SARDH: variants seen among roughly 807,000 people sequenced by gnomAD.
The protein encoded by SARDH is sarcosine dehydrogenase.
In SARDH, 95 loss-of-function variants were observed where a neutral mutation model predicts 109.1. That is an observed-to-expected ratio of 0.87 (90% CI 0.74 to 1.03). The LOEUF is 1.03. Among genes scored for constraint, SARDH ranks in the 50% least tolerant of loss-of-function variants. The pLI is 0.00. For synonymous variants in SARDH, 572 were observed against 534.8 expected, an observed-to-expected ratio of 1.07 and a Z score of -0.96; for missense variants, 1,267 against 1,287.8, an observed-to-expected ratio of 0.98 and a Z score of 0.25.
chr9:133,688,872 T>C (rs1830987035), intron 16 of SARDH, among the ~76,000 whole-genome samples: 1 of 152,208 alleles, frequency 6.6e-6, no homozygotes, highest in African/African-American at 2.4e-5. Context: ...AGCCAGTTAG[T>C]GTTAAAGCAC....
rs773227673 is a variant in SARDH at position 133,729,776 on chromosome 9, C to G, written c.904G>C (p.Glu302Gln). ...GGCTGTCCACCTACCTGAATCCCCTCGATGCGCTCGGTGACGACATAGGCA... is the reference window on the plus strand; with the variant it reads ...GGCTGTCCACCTACCTGAATCCCCTGGATGCGCTCGGTGACGACATAGGCA... The part of the protein sequence containing the change: ...HHAYVVTERI[E>Q]GIQNMPNVRD... Residue 302 changes from glutamate (E) to glutamine (Q), a missense_variant, in exon 6 of 21, where the codon GAG becomes CAG. Coordinates refer to ENST00000439388, the MANE Select transcript of SARDH (RefSeq NM_001134707.2). The G allele has an allele frequency of 1.2e-6, 2 of 1,612,554 alleles. No homozygotes were observed. Among genetic ancestry groups the G allele is most frequent in the African/African-American group, 1.3e-5 (1 of 74,918 alleles).
chr9:133,694,448 G>A (rs552471984), intron 14 of SARDH, 77 bp from the exon 15 acceptor site: 152 of 1,151,722 alleles, frequency 1.3e-4, no homozygotes, highest in South Asian at 3.8e-4. Context: ...CCCCAGGGCC[G>A]CTCACAGGGG....
Position 133,698,969 on chromosome 9 carries a change from C to T in SARDH, c.1669-2608G>A, listed in dbSNP as rs184262535. On this transcript the variant is annotated intron_variant, in intron 13 of 20. Coordinates refer to ENST00000439388, the MANE Select transcript of SARDH (RefSeq NM_001134707.2). Reference sequence around the variant, plus strand: ...CAATGCCATCAAGGAAGAGAGATGACAACCACAGGATGGGGAGAGTGTGTG... The same window carrying T: ...CAATGCCATCAAGGAAGAGAGATGATAACCACAGGATGGGGAGAGTGTGTG... 3.6e-3 allele frequency among the ~76,000 whole-genome samples: 548 copies of T among 152,306 alleles called. 2 individuals carry two copies. The highest frequency in any genetic ancestry group is 0.013 in the African/African-American group (522 of 41,574).
chr9:133,690,661 A>G, intron 15 of SARDH, 134 bp from the exon 16 acceptor site: 1 of 1,008,720 alleles, frequency 9.9e-7, no homozygotes, highest in South Asian at 1.5e-5. Flanking sequence ...AGTGCCCAGG[A>G]ACCGTATCTG....
chr9:133,696,493 C>T, intron 13 of SARDH, 132 bp from the exon 14 acceptor site: 1 of 1,111,652 alleles, frequency 9.0e-7, no homozygotes, highest in East Asian at 2.5e-5. Flanking sequence ...CCAGCCCGCA[C>T]CAAGCCCTTC....
chr9:133,686,383 C>T lies in SARDH; in HGVS notation c.2070-1097G>A, dbSNP rs1027273016. On this transcript the variant is annotated intron_variant, in intron 16 of 20. Transcript: ENST00000439388. The surrounding 1 kb of genome is among the most constrained non-coding windows in gnomAD (Gnocchi z 4.0). ...CCCCTTCCCCTGTCACCACTTAACC[C>T]TTTGTCATCCTTCAGCTCTTGGCTC... is the stretch of plus-strand genomic sequence containing the variant. Among the ~76,000 whole-genome samples the T allele has an allele frequency of 2.0e-5, 3 of 152,198 alleles. No individual in the cohort carries two copies.
chr9:133,718,749 T>C lies in SARDH; in HGVS notation c.1020+189A>G. 1 of 780,776 alleles carries C rather than the reference T, an allele frequency of 1.3e-6. No homozygotes were observed. Among genetic ancestry groups the C allele is most frequent in the South Asian group, 1.3e-5 (1 of 74,628 alleles). The allele number at this position is 780,776 out of a possible 1,614,324, so 48.4% of individuals were successfully genotyped here. ...GCCCTCCAGCTGCCCTGGGTCTGTA[T>C]TTGACTGCCTGCCAGGACCGTCAGG... is the stretch of plus-strand genomic sequence containing the variant. On this transcript the variant is annotated intron_variant, in intron 7 of 20. Coordinates refer to ENST00000439388, the MANE Select transcript of SARDH (RefSeq NM_001134707.2). The surrounding 1 kb of genome is among the most constrained non-coding windows in gnomAD (Gnocchi z 4.2).
In SARDH at chr9:133,712,151, C is replaced by G. The variant is rs1334056083; in HGVS notation, c.1328+468G>C. On this transcript the variant is annotated intron_variant, in intron 10 of 20. Coordinates refer to ENST00000439388, the MANE Select transcript of SARDH (RefSeq NM_001134707.2). The surrounding 1 kb of genome is among the most constrained non-coding windows in gnomAD (Gnocchi z 4.1). ...GAACCTCCACAGCCCCTCCCCATCA[C>G]CCTGCATTAGAGACGAGGAAGTGGC... Among the ~76,000 whole-genome samples, 1 of 152,232 alleles carries G rather than the reference C, an allele frequency of 6.6e-6. No homozygotes were observed. Among genetic ancestry groups the G allele is most frequent in the African/African-American group, 2.4e-5 (1 of 41,466 alleles).
At chr9:133,664,380 G>A (rs116729620) in intron 20 of SARDH, among the ~76,000 whole-genome samples, 4,513 of 152,356 alleles carry the variant, frequency 0.03, 111 homozygotes, top group South Asian at 0.11. Context: ...CCGAGGCTGG[G>A]GGCCAATCCG....
chr9:133,731,620 G>A lies in SARDH; in HGVS notation c.511-136C>T, dbSNP rs1390479987. 2.4e-5 allele frequency: 20 copies of A among 831,048 alleles called. No individual in the cohort carries two copies. In the East Asian group the frequency reaches 4.8e-4, roughly 20 times the overall value. 51.5% of individuals were successfully genotyped at this position (831,048 alleles called of 1,614,324 possible). On this transcript the variant is annotated intron_variant, in intron 3 of 20. Transcript: ENST00000439388. ...GCCTTAGCCGGTCCCCACGCCCCCG[G>A]AGCCTGTCCCTTGAATCCGCTTCAG...
Position 133,731,495 on chromosome 9 carries a change from C to T in SARDH, c.511-11G>A. 1 of 1,613,570 alleles carries T rather than the reference C, an allele frequency of 6.2e-7. No individual in the cohort carries two copies. The highest frequency in any genetic ancestry group is 1.1e-5 in the South Asian group (1 of 91,016). On this transcript the variant is annotated splice_polypyrimidine_tract_variant and intron_variant, in intron 3 of 20. Coordinates refer to ENST00000439388, the MANE Select transcript of SARDH (RefSeq NM_001134707.2). ...ATACGCCTTGCCCAGCTAGGGGGAC[C>T]CAGGGGAGGTTAACTGAGTCCGTGG...
At position 133,690,417 on chromosome 9, in the gene SARDH, C is replaced by T. The variant is rs142376496; in HGVS notation, c.2032G>A (p.Glu678Lys). The T allele has an allele frequency of 3.3e-5, 53 of 1,613,258 alleles. No individual in the cohort carries two copies. Among genetic ancestry groups the T allele is most frequent in the Non-Finnish European group, 3.8e-5 (45 of 1,179,932 alleles). Residue 678 changes from glutamate to lysine, a missense_variant, in exon 16 of 21, where the codon GAG becomes AAG. Coordinates refer to ENST00000439388, the MANE Select transcript of SARDH (RefSeq NM_001134707.2). ...KSQCQLIDSS[E>K]DLGMISIQGP... ...TGGATACTGATCATACCCAGGTCCT[C>T]GGAGCTGTCGATGAGCTGGCACTGG... is the stretch of plus-strand genomic sequence containing the variant.
chr9:133,663,820 G>A lies in SARDH; in HGVS notation c.*69C>T, dbSNP rs555613025. 1.5e-5 allele frequency: 24 copies of A among 1,597,522 alleles called. No homozygotes were observed. The African/African-American group carries it at 3.1e-4, about 20-fold the overall frequency. On this transcript the variant is annotated 3_prime_UTR_variant, in exon 21 of 21. Coordinates refer to ENST00000439388, the MANE Select transcript of SARDH (RefSeq NM_001134707.2). ...AGTTCTGGCTGGGTCCAGGGTCCTG[G>A]GACCCAGGGCCATTTGGGACCTGTG...
intron 6 of SARDH, among the ~76,000 whole-genome samples, chr9:133,719,926 AT>A (rs1310389497): frequency 6.6e-6 from 1 of 151,716 alleles, no homozygotes; most frequent in Non-Finnish European, 1.5e-5. Flanking sequence ...CCTGACTAAT[AT>A]GGTGAAACCT....
At chr9:133,696,453 C>A in intron 13 of SARDH, 92 bp from the exon 14 acceptor site, 1 of 1,514,604 alleles carries the variant, frequency 6.6e-7, no homozygotes. Context: ...GTGTCCAACA[C>A]ACCTGTACTG....
chr9:133,693,016 C>G lies in SARDH; in HGVS notation c.1921+1242G>C, dbSNP rs915744231. ...AGAGGCCCAGGAGCCCCTGCCAGCC[C>G]CCAGCCCCGAAGACCCGCTGGGCAG... is the stretch of plus-strand genomic sequence containing the variant. On this transcript the variant is annotated intron_variant, in intron 15 of 20. Transcript: ENST00000439388. The surrounding 1 kb of genome is among the most constrained non-coding windows in gnomAD (Gnocchi z 5.6). Among the ~76,000 whole-genome samples the G allele has an allele frequency of 3.9e-5, 6 of 152,146 alleles. No homozygotes were observed. The highest frequency in any genetic ancestry group is 8.8e-5 in the Non-Finnish European group (6 of 68,020).
chr9:133,669,599 G>A (rs143945148), intron 19 of SARDH, among the ~76,000 whole-genome samples: 184 of 152,140 alleles, frequency 1.2e-3, no homozygotes, highest in African/African-American at 4.1e-3. Context: ...CAGGGATCAC[G>A]TGCGCCGGGC....
In SARDH at chr9:133,696,500, C is replaced by T. The variant is rs964068346; in HGVS notation, c.1669-139G>A. ...CCTCTCTTCCAGCCCGCACCAAGCC[C>T]TTCTCAGCTCAGGTGCACACTGTGA... On this transcript the variant is annotated intron_variant, in intron 13 of 20. Coordinates refer to ENST00000439388, the MANE Select transcript of SARDH (RefSeq NM_001134707.2). 5 of 1,019,734 alleles carry T rather than the reference C, an allele frequency of 4.9e-6. No homozygotes were observed. In the Admixed American group the frequency reaches 6.3e-5, roughly 13 times the overall value. The allele number at this position is 1,019,734 out of a possible 1,614,324, so 63.2% of individuals were successfully genotyped here. A position where few individuals can be genotyped will look rare whatever the true frequency, so the allele number is the denominator to read the frequency against.
At chr9:133,685,743 G>A (rs1345948664) in intron 16 of SARDH, among the ~76,000 whole-genome samples, 2 of 152,214 alleles carry the variant, frequency 1.3e-5, no homozygotes, top group Admixed American at 1.3e-4. Context: ...CGGCCCGAGA[G>A]AGGAGCTGGC....
Sources: allele counts gnomAD v4.1 joint callset (sites outside exome capture counted in the v4.1 genomes callset), GRCh38; gene constraint gnomAD v4.1.1; non-coding constraint Gnocchi (gnomAD v3.1); transcripts MANE v1.5; gene names NCBI Gene and HGNC (gene_info 2026-07-23, HGNC 2026-07-21).